Variants in TEX36 observed in about 807,000 individuals in gnomAD.
The protein encoded by TEX36 is testis-expressed protein 36.
Under a neutral mutation model 13.6 loss-of-function variants are expected in TEX36, and 12 were observed. The ratio of observed to expected loss-of-function variants is 0.88; its 90% CI spans 0.56 to 1.43. The LOEUF (loss-of-function observed/expected upper bound fraction) is 1.43, where lower values mean the gene tolerates loss of function less well. Ranked by LOEUF, TEX36 falls within the 40% of genes most tolerant of loss-of-function variation. The probability of loss-of-function intolerance (pLI) is 0.00; values close to 1 mark genes in which losing one functional copy is unlikely to be tolerated. For missense variants in TEX36, 224 were observed against 228.3 expected (o/e 0.98, Z 0.12); for synonymous variants, 93 against 83.0 (o/e 1.12, Z -0.65).
chr10:125,593,605 T>C (rs539535119), intron 3 of TEX36, among the ~76,000 whole-genome samples: 1 of 152,338 alleles, frequency 6.6e-6, no homozygotes, highest in East Asian at 1.9e-4. Flanking sequence ...CAGAGGCATG[T>C]GAGGTTAGCT....
chr10:125,620,265 T>C (rs1199547438), downstream of TEX36, among the ~76,000 whole-genome samples: 2 of 152,158 alleles, frequency 1.3e-5, no homozygotes, highest in African/African-American at 4.8e-5. Context: ...GAGCACTAGG[T>C]TTTAAATTAT....
chr10:125,622,456 T>G (rs1256178908), intron 3 of TEX36, among the ~76,000 whole-genome samples: 1 of 152,248 alleles, frequency 6.6e-6, no homozygotes, highest in Non-Finnish European at 1.5e-5. Flanking sequence ...TCATAGCTGT[T>G]ATTGATGACT....
chr10:125,641,421 G>A (rs139395545), intron 3 of TEX36, among the ~76,000 whole-genome samples: 2 of 152,312 alleles, frequency 1.3e-5, no homozygotes, highest in Non-Finnish European at 2.9e-5. Context: ...CTTTACATCT[G>A]ATTTTTGCAA....
At chr10:125,671,484 C>T (rs145703073) in intron 1 of TEX36, among the ~76,000 whole-genome samples, 1,873 of 152,198 alleles carry the variant, frequency 0.012, 20 homozygotes, top group Non-Finnish European at 0.02. Flanking sequence ...ATGAAGCTGA[C>T]TTGATCATGG....
chr10:125,612,062 T>C (rs907387531), intron 3 of TEX36, among the ~76,000 whole-genome samples: 1 of 151,496 alleles, frequency 6.6e-6, no homozygotes, highest in African/African-American at 2.4e-5. Context: ...CTCCCTTTTC[T>C]TTTCTTTTCT....
At chr10:125,607,939 GC>G (rs1247979787) in intron 3 of TEX36, among the ~76,000 whole-genome samples, 2 of 152,154 alleles carry the variant, frequency 1.3e-5, no homozygotes, top group African/African-American at 4.8e-5. Flanking sequence ...AGTCTCCAGA[GC>G]CAGCAGGTGC....
At chr10:125,635,944 G>A (rs185756382) in intron 3 of TEX36, among the ~76,000 whole-genome samples, 1 of 151,920 alleles carries the variant, frequency 6.6e-6, no homozygotes, top group Admixed American at 6.6e-5. Context: ...CACAATCATG[G>A]CTCACTGCAG....
chr10:125,634,470 C>T (rs1846598618), intron 3 of TEX36, among the ~76,000 whole-genome samples: 1 of 152,168 alleles, frequency 6.6e-6, no homozygotes, highest in Admixed American at 6.5e-5. Context: ...TTGTGAAATG[C>T]ATCTCTTCAT....
intron 3 of TEX36, among the ~76,000 whole-genome samples, chr10:125,631,665 C>T (rs552058078): frequency 2.2e-4 from 34 of 152,250 alleles, no homozygotes; most frequent in African/African-American, 8.2e-4. Flanking sequence ...GGATTTTTTT[C>T]TAGGTCCTCC....
At chr10:125,641,396 A>G (rs1237609780) in intron 3 of TEX36, among the ~76,000 whole-genome samples, 3 of 152,240 alleles carry the variant, frequency 2.0e-5, no homozygotes. Context: ...CCTTCTAACC[A>G]TCATGTCTGA....
chr10:125,576,990 C>T (rs1315475542), intron 3 of TEX36: 2 of 1,345,496 alleles, frequency 1.5e-6, no homozygotes, highest in South Asian at 1.4e-5. Flanking sequence ...TTAAAAACAC[C>T]CCAGAGAAGG....
At chr10:125,624,227 G>A (rs1030118316) in intron 3 of TEX36, among the ~76,000 whole-genome samples, 4 of 152,166 alleles carry the variant, frequency 2.6e-5, no homozygotes. Flanking sequence ...AGACCTCCCT[G>A]CCATTCACTA....
chr10:125,591,438 T>G (rs1367562259), intron 3 of TEX36, among the ~76,000 whole-genome samples: 2 of 152,196 alleles, frequency 1.3e-5, no homozygotes, highest in Non-Finnish European at 2.9e-5. Context: ...GCCCCCAGGC[T>G]GTGTGGATTT....
chr10:125,655,310 T>C (rs1565185401), downstream of TEX36, among the ~76,000 whole-genome samples: 2 of 152,136 alleles, frequency 1.3e-5, no homozygotes, highest in Non-Finnish European at 2.9e-5. Context: ...CCCAGCGTGA[T>C]GGTGCACACC....
At chr10:125,658,466 G>A (rs1023011596) in intron 3 of TEX36, among the ~76,000 whole-genome samples, 2 of 151,916 alleles carry the variant, frequency 1.3e-5, no homozygotes, top group African/African-American at 4.8e-5. Flanking sequence ...AGCAGAAATT[G>A]ACAGATCAAT....
intron 3 of TEX36, among the ~76,000 whole-genome samples, chr10:125,624,698 G>C (rs1009709177): frequency 4.0e-5 from 6 of 151,046 alleles, no homozygotes; most frequent in Non-Finnish European, 5.9e-5. Flanking sequence ...AAAAAGGCCT[G>C]AAAGCAGCAG....
chr10:125,603,653 G>T (rs1315872557), intron 3 of TEX36, among the ~76,000 whole-genome samples: 1 of 152,216 alleles, frequency 6.6e-6, no homozygotes, highest in Non-Finnish European at 1.5e-5. Flanking sequence ...GGTTTCTGTG[G>T]CAGGGCATGC....
Position 125,661,970 on chromosome 10 carries a change from T to G in TEX36, c.59A>C (p.His20Pro), listed in dbSNP as rs1423042255. The change falls in exon 2 of 4, where the codon CAC becomes CCC. Residue 20 changes from histidine to proline, a missense_variant. Physicochemically the swap from His to Pro is moderately conservative, Grantham distance 77. Coordinates refer to ENST00000368821, the MANE Select transcript of TEX36 (RefSeq NM_001128202.3). ...TGGTGTCTTTTGCGTTAGCCCGATGTGAGGGAACTGGAAGAACAGCACACG... is the reference window on the plus strand; with the variant it reads ...TGGTGTCTTTTGCGTTAGCCCGATGGGAGGGAACTGGAAGAACAGCACACG... Reference protein sequence around the residue: ...PSDKDGRWFPHIGLTQKTPES... With the variant: ...PSDKDGRWFPPIGLTQKTPES... 1.9e-6 allele frequency: 3 copies of G among 1,552,226 alleles called. No individual in the cohort carries two copies. The African/African-American group carries it at 4.1e-5, about 21-fold the overall frequency.
chr10:125,640,574 T>G (rs1846676174), intron 3 of TEX36, among the ~76,000 whole-genome samples: 1 of 152,194 alleles, frequency 6.6e-6, no homozygotes, highest in Non-Finnish European at 1.5e-5. Context: ...TTTGTTTTGA[T>G]GGGTACTTAT....
Sources: allele counts gnomAD v4.1 joint callset (sites outside exome capture counted in the v4.1 genomes callset), GRCh38; gene constraint gnomAD v4.1.1; transcripts MANE v1.5; gene names NCBI Gene and HGNC (gene_info 2026-07-23, HGNC 2026-07-21).